The following ZNF564 variants were observed in gnomAD, a reference collection of about 807,000 sequenced individuals.
The protein encoded by ZNF564 is zinc finger protein 564.
ZNF564 carries 5 observed loss-of-function variants against 10.5 expected under a neutral mutation model. The ratio of observed to expected loss-of-function variants is 0.48; its 90% CI spans 0.25 to 1.00. The LOEUF (loss-of-function observed/expected upper bound fraction) is 1.00, where lower values mean the gene tolerates loss of function less well. Ranked by LOEUF, ZNF564 falls within the 50% of genes least tolerant of loss-of-function variation. The probability of loss-of-function intolerance (pLI) is 0.16; values close to 1 mark genes in which losing one functional copy is unlikely to be tolerated. For synonymous variants in ZNF564, 242 were observed against 218.1 expected (o/e 1.11, Z -0.97); for missense variants, 603 against 669.7 (o/e 0.90, Z 1.10).
chr19:12,535,633 T>C (rs763222741), intron 1 of ZNF564, among the ~76,000 whole-genome samples: 21 of 152,162 alleles, frequency 1.4e-4, no homozygotes, highest in Non-Finnish European at 3.1e-4. Flanking sequence ...GAATATACAA[T>C]AGTCAACTCT....
intron 1 of ZNF564, among the ~76,000 whole-genome samples, chr19:12,535,138 C>T (rs2021884583): frequency 6.6e-6 from 1 of 152,054 alleles, no homozygotes; most frequent in African/African-American, 2.4e-5. Flanking sequence ...CTTTGGGAGG[C>T]AGAGGCGGGA....
At chr19:12,532,024 A>T (rs149263556) in intron 1 of ZNF564, among the ~76,000 whole-genome samples, 2 of 152,306 alleles carry the variant, frequency 1.3e-5, no homozygotes, top group East Asian at 3.9e-4. Flanking sequence ...GGCTATCTTA[A>T]TATCACAAAG....
rs780776171 is a variant in ZNF564 at position 12,527,718 on chromosome 19, T to C, written c.390A>G (p.Pro130=). The change falls in exon 4 of 4, where the codon CCA becomes CCG. Residue 130 remains proline (P), a synonymous_variant. Transcript: ENST00000339282. The part of the protein sequence containing the change: ...RHIRSHLGHK[P]YDYQEYGEKP... ...TCTCTCCATATTCCTGATAGTCATATGGTTTGTGTCCAAGGTGAGATCTGA... is the reference window on the plus strand; with the variant it reads ...TCTCTCCATATTCCTGATAGTCATACGGTTTGTGTCCAAGGTGAGATCTGA... 6 of 1,614,048 alleles carry C rather than the reference T, an allele frequency of 3.7e-6. No homozygotes were observed. Among genetic ancestry groups the C allele is most frequent in the South Asian group, 1.1e-5 (1 of 91,090 alleles).
At chr19:12,531,468 G>A (rs1371098640) in intron 1 of ZNF564, among the ~76,000 whole-genome samples, 1 of 152,020 alleles carries the variant, frequency 6.6e-6, no homozygotes, top group Non-Finnish European at 1.5e-5. Flanking sequence ...CTGGGAGGCC[G>A]AGGCAGGAGA....
intron 1 of ZNF564, among the ~76,000 whole-genome samples, chr19:12,531,357 A>C (rs1021072202): frequency 1.3e-5 from 2 of 152,028 alleles, no homozygotes; most frequent in Non-Finnish European, 2.9e-5. Context: ...CATTTGAGTT[A>C]GGAGTTTGAG....
chr19:12,528,257 G>A, intron 3 of ZNF564, 47 bp downstream of exon 3: 1 of 1,518,384 alleles, frequency 6.6e-7, no homozygotes, highest in Non-Finnish European at 9.0e-7. Flanking sequence ...AAAATTTCAT[G>A]ACATACTAAG....
chr19:12,532,448 T>C (rs1448845465), intron 1 of ZNF564, among the ~76,000 whole-genome samples: 2 of 130,618 alleles, frequency 1.5e-5, no homozygotes, highest in African/African-American at 5.9e-5. Context: ...GGCAGGAGAA[T>C]GGCGTGAACC....
At chr19:12,544,395 G>A (rs1451397063) in intron 1 of ZNF564, among the ~76,000 whole-genome samples, 1 of 151,704 alleles carries the variant, frequency 6.6e-6, no homozygotes, top group African/African-American at 2.4e-5. Flanking sequence ...GTCTATTGCA[G>A]TGAATTCTTA....
intron 1 of ZNF564, among the ~76,000 whole-genome samples, chr19:12,545,447 C>T (rs1351142537): frequency 6.6e-6 from 1 of 151,870 alleles, no homozygotes; most frequent in Admixed American, 6.6e-5. Context: ...GTGTAAACAC[C>T]GACCAGTTCT....
chr19:12,551,266 C>G, intron 1 of ZNF564, 64 bp downstream of exon 1: 2 of 1,560,302 alleles, frequency 1.3e-6, no homozygotes, highest in African/African-American at 1.4e-5. Flanking sequence ...CTTCCACAGC[C>G]GGTTCCGGCC....
In ZNF564 at chr19:12,539,841, T is replaced by A. The variant is rs1169149253; in HGVS notation, c.4-11145A>T. 8.2e-5 allele frequency among the ~76,000 whole-genome samples: 12 copies of A among 146,500 alleles called. No individual in the cohort carries two copies. In the East Asian group the frequency reaches 2.0e-3, roughly 25 times the overall value. On this transcript the variant is annotated intron_variant, in intron 1 of 3. Transcript: ENST00000339282. ...CTACAAAAAAGAAAAATTAGCCAGGTGTGGTGGTGGGCGCCTGTAGTCCCA... is the reference window on the plus strand; with the variant it reads ...CTACAAAAAAGAAAAATTAGCCAGGAGTGGTGGTGGGCGCCTGTAGTCCCA...
intron 1 of ZNF564, among the ~76,000 whole-genome samples, chr19:12,537,940 T>C (rs993844279): frequency 8.6e-5 from 13 of 151,984 alleles, no homozygotes; most frequent in African/African-American, 3.1e-4. Context: ...AATCACATAA[T>C]TTGTGAACAG....
intron 1 of ZNF564, among the ~76,000 whole-genome samples, chr19:12,541,825 C>G (rs889535307): frequency 6.7e-6 from 1 of 148,924 alleles, no homozygotes; most frequent in African/African-American, 2.5e-5. Flanking sequence ...ACCGTCCTGG[C>G]TAATACGGTG....
chr19:12,531,617 C>A (rs2021803106), intron 1 of ZNF564, among the ~76,000 whole-genome samples: 2 of 151,596 alleles, frequency 1.3e-5, no homozygotes, highest in African/African-American at 4.8e-5. Flanking sequence ...GGAAAAAAGA[C>A]CACATATCTT....
intron 1 of ZNF564, among the ~76,000 whole-genome samples, chr19:12,534,503 G>A (rs1319762418): frequency 6.6e-6 from 1 of 152,120 alleles, no homozygotes; most frequent in Non-Finnish European, 1.5e-5. Context: ...TTGGAAGATG[G>A]TCAGTTTCTT....
intron 1 of ZNF564, among the ~76,000 whole-genome samples, chr19:12,532,051 G>GA (rs1442429223): frequency 6.6e-6 from 1 of 152,038 alleles, no homozygotes; most frequent in Non-Finnish European, 1.5e-5. Context: ...TCAGAGAAAG[G>GA]AAAAAACACA....
At chr19:12,531,602 A>C (rs2021802805) in intron 1 of ZNF564, among the ~76,000 whole-genome samples, 1 of 152,024 alleles carries the variant, frequency 6.6e-6, no homozygotes, top group African/African-American at 2.4e-5. Flanking sequence ...CATGGTAGGC[A>C]CTGAGGAAAA....
chr19:12,529,754 AG>A (rs1373191209), intron 1 of ZNF564: 1 of 152,184 alleles, frequency 6.6e-6, no homozygotes. Flanking sequence ...AGGCAGAGGC[AG>A]GCGGATCACC....
intron 1 of ZNF564, among the ~76,000 whole-genome samples, chr19:12,533,247 C>G (rs936185604): frequency 6.6e-6 from 1 of 152,116 alleles, no homozygotes; most frequent in African/African-American, 2.4e-5. Context: ...TTAAACAACA[C>G]AATTCTAAAT....
Sources: allele counts gnomAD v4.1 joint callset (sites outside exome capture counted in the v4.1 genomes callset), GRCh38; gene constraint gnomAD v4.1.1; transcripts MANE v1.5; gene names NCBI Gene and HGNC (gene_info 2026-07-23, HGNC 2026-07-21).